Variants in FBXL5 observed in about 807,000 individuals in gnomAD.
The protein encoded by FBXL5 is F-box and leucine rich repeat protein 5, also known as F-box/LRR-repeat protein 5.
Under a neutral mutation model 78.3 loss-of-function variants are expected in FBXL5, and 26 were observed. The ratio of observed to expected loss-of-function variants is 0.33; its 90% CI spans 0.24 to 0.46. The LOEUF is 0.46. Among genes scored for constraint, FBXL5 ranks in the 20% least tolerant of loss-of-function variants. The pLI, the probability that FBXL5 is intolerant of heterozygous loss-of-function variation, is 1.00. For missense variants in FBXL5, 710 were observed against 829.2 expected (o/e 0.86, Z 1.77); for synonymous variants, 295 against 282.5 (o/e 1.04, Z -0.45).
At chr4:15,653,582 A>G (rs1257479683) in intron 1 of FBXL5, among the ~76,000 whole-genome samples, 3 of 152,156 alleles carry the variant, frequency 2.0e-5, no homozygotes, top group Admixed American at 2.0e-4. Context: ...TCCACAGTCT[A>G]AAGTGGAGAG....
At chr4:15,627,730 T>C (rs1246156345) in intron 7 of FBXL5, among the ~76,000 whole-genome samples, 155 bp downstream of exon 7, 1 of 152,198 alleles carries the variant, frequency 6.6e-6, no homozygotes, top group Non-Finnish European at 1.5e-5. Flanking sequence ...TGCAATGAAA[T>C]AATAAGTAAC....
Position 15,636,667 on chromosome 4 carries a change from A to G in FBXL5, c.593T>C (p.Val198Ala), listed in dbSNP as rs1288582993. The G allele has an allele frequency of 1.3e-6, 2 of 1,552,050 alleles. No individual in the cohort carries two copies. Among genetic ancestry groups the G allele is most frequent in the Non-Finnish European group, 1.7e-6 (2 of 1,146,612 alleles). ...GGTTATACCTGTGGAGTGTTCTGAC[A>G]CTTCTGCTTCTGAAATAAAAAAGAA... ...VDEKSDKEAE[V>A]SEHSTGITHL... is the part of the protein sequence containing the mutation. The change falls in exon 5 of 11, where the codon GTG becomes GCG. Residue 198 changes from valine (V) to alanine (A), a missense_variant. Physicochemically the swap from Val to Ala is moderately conservative, Grantham distance 64. This residue lies in a region of FBXL5 where 517 missense variants were observed against 542.9 expected (regional missense o/e 0.95). Coordinates refer to ENST00000341285, the MANE Select transcript of FBXL5 (RefSeq NM_012161.4).
intron 1 of FBXL5, among the ~76,000 whole-genome samples, chr4:15,651,830 T>C (rs1716099093): frequency 6.6e-6 from 1 of 152,200 alleles, no homozygotes; most frequent in South Asian, 2.1e-4. Context: ...GGTTTATATA[T>C]AAGCCTGGGA....
intron 10 of FBXL5, among the ~76,000 whole-genome samples, chr4:15,611,652 G>A (rs978137101): frequency 3.9e-5 from 6 of 152,090 alleles, no homozygotes; most frequent in Admixed American, 6.5e-5. Context: ...ACAAAATCAA[G>A]AAGTATTTCT....
At chr4:15,653,975 T>A (rs966281603) in intron 1 of FBXL5, among the ~76,000 whole-genome samples, 1 of 152,244 alleles carries the variant, frequency 6.6e-6, no homozygotes, top group Non-Finnish European at 1.5e-5. Context: ...ACAGTCCTGG[T>A]GTTTCCAACT....
intron 2 of FBXL5, among the ~76,000 whole-genome samples, chr4:15,643,895 G>T (rs1206928397): frequency 6.6e-6 from 1 of 152,136 alleles, no homozygotes; most frequent in Non-Finnish European, 1.5e-5. Flanking sequence ...TTTCAGACTT[G>T]GTGAGTAGCA....
intron 10 of FBXL5, among the ~76,000 whole-genome samples, chr4:15,611,602 G>A (rs1056472552): frequency 6.6e-6 from 1 of 152,048 alleles, no homozygotes; most frequent in East Asian, 1.9e-4. Flanking sequence ...GAAAAAGCAT[G>A]TTCAATAAGA....
At chr4:15,656,346 G>C (rs1268659474), upstream of FBXL5, 1 of 452,362 alleles carries the variant, frequency 2.2e-6, no homozygotes, top group African/African-American at 2.0e-5. Flanking sequence ...AGTACTGCTG[G>C]ACAGATAGAG....
intron 1 of FBXL5, 95 bp from the exon 2 acceptor site, chr4:15,644,803 A>T: frequency 1.3e-6 from 1 of 779,606 alleles, no homozygotes; most frequent in Non-Finnish European, 2.0e-6. Context: ...TTTTGCACAC[A>T]GCATACTTCC....
chr4:15,631,963 T>C (rs1025854742), intron 5 of FBXL5, among the ~76,000 whole-genome samples: 2 of 152,236 alleles, frequency 1.3e-5, no homozygotes, highest in Non-Finnish European at 2.9e-5. Context: ...CCATTGCTTT[T>C]GGTGTTTTAG....
At chr4:15,611,524 T>G (rs1048081519) in intron 10 of FBXL5, among the ~76,000 whole-genome samples, 1 of 152,280 alleles carries the variant, frequency 6.6e-6, no homozygotes, top group African/African-American at 2.4e-5. Context: ...AGCAGCTTTT[T>G]ATGCTTCTGG....
At position 15,627,095 on chromosome 4, in the gene FBXL5, TAATAAAATATTCTGGGCTC is replaced by T. The variant is rs761652767; in HGVS notation, c.1042-159_1042-141del. On this transcript the variant is annotated intron_variant, in intron 7 of 10. Coordinates refer to ENST00000341285, the MANE Select transcript of FBXL5 (RefSeq NM_012161.4). Reference sequence around the variant, plus strand: ...ATCACTTGAATACTTGAAAAAAGTATAATAAAATATTCTGGGCTCAAATCCCTGAGAATCTCTTTTTTTT... The same window carrying T: ...ATCACTTGAATACTTGAAAAAAGTATAAATCCCTGAGAATCTCTTTTTTTT... The T allele has an allele frequency of 6.0e-4, 264 of 440,546 alleles. 1 individual carries two copies. Among genetic ancestry groups the T allele is most frequent in the South Asian group, 3.0e-3 (70 of 22,990 alleles). 27.3% of individuals were successfully genotyped at this position (440,546 alleles called of 1,614,324 possible).
intron 3 of FBXL5, among the ~76,000 whole-genome samples, chr4:15,640,197 T>C (rs1351221774): frequency 2.0e-5 from 3 of 152,012 alleles, no homozygotes; most frequent in African/African-American, 7.3e-5. Flanking sequence ...CATGCCACCA[T>C]GCCCAGCTGA....
At chr4:15,623,826 G>GTT (rs548846356) in intron 9 of FBXL5, among the ~76,000 whole-genome samples, 7 of 147,218 alleles carry the variant, frequency 4.8e-5, no homozygotes, top group Non-Finnish European at 6.0e-5. Flanking sequence ...TTTTACAATA[G>GTT]TTTTTTTTTT....
At chr4:15,644,452 G>T in intron 2 of FBXL5, 41 bp downstream of exon 2, 2 of 1,524,684 alleles carry the variant, frequency 1.3e-6, no homozygotes, top group Non-Finnish European at 1.8e-6. Context: ...CCAGAAGATG[G>T]CACAAGTTTT....
chr4:15,662,260 A>G (rs1043329153), upstream of FBXL5, among the ~76,000 whole-genome samples: 32 of 152,326 alleles, frequency 2.1e-4, no homozygotes, highest in African/African-American at 7.0e-4. Flanking sequence ...ATTTAGGGGC[A>G]TAGGCTCCTT....
intron 6 of FBXL5, among the ~76,000 whole-genome samples, chr4:15,629,683 T>C (rs900441614): frequency 3.9e-5 from 6 of 152,260 alleles, no homozygotes; most frequent in African/African-American, 1.4e-4. Flanking sequence ...CAAACTAGAA[T>C]AGACCTTTTC....
In FBXL5 at chr4:15,625,291, C is replaced by T. The variant is rs769741008; in HGVS notation, c.1811G>A (p.Ser604Asn). The change falls in exon 9 of 11, where the codon AGT (serine) becomes AAT (asparagine). Residue 604 changes from serine to asparagine, a missense_variant. Around this residue, in one of 4 missense-constraint regions of FBXL5, gnomAD observed 58 missense variants for 112.3 expected, o/e 0.52. Transcript: ENST00000341285. ...TGTGATCTGATAACATCCAGATAAA[C>T]TGAGAAACAGAAGTACACGTCCAGT... is the stretch of plus-strand genomic sequence containing the variant. ...QETGRVLLFL[S>N]LSGCYQITDH... The T allele has an allele frequency of 1.2e-6, 2 of 1,613,706 alleles. No homozygotes were observed. The highest frequency in any genetic ancestry group is 1.7e-6 in the Non-Finnish European group (2 of 1,179,758).
At chr4:15,618,980 C>T (rs1050918574) in intron 9 of FBXL5, among the ~76,000 whole-genome samples, 5 of 151,762 alleles carry the variant, frequency 3.3e-5, no homozygotes. Flanking sequence ...ATGGTGAAAC[C>T]CCATCACTAC....
Sources: allele counts gnomAD v4.1 joint callset (sites outside exome capture counted in the v4.1 genomes callset), GRCh38; gene constraint gnomAD v4.1.1; regional missense constraint gnomAD v4.1.1; transcripts MANE v1.5; gene names NCBI Gene and HGNC (gene_info 2026-07-23, HGNC 2026-07-21).